Variants in POU6F2 observed in about 807,000 individuals in gnomAD.
POU6F2 encodes POU class 6 homeobox 2.
A neutral mutation model predicts 71.3 loss-of-function variants in POU6F2; 31 were observed. The ratio of observed to expected loss-of-function variants is 0.43; its 90% CI spans 0.33 to 0.59. The LOEUF (loss-of-function observed/expected upper bound fraction) is 0.59. Ranked by LOEUF, POU6F2 falls within the 20% of genes least tolerant of loss-of-function variation. The probability of loss-of-function intolerance (pLI) is 0.04; values close to 1 mark genes in which losing one functional copy is unlikely to be tolerated. For missense variants in POU6F2, 783 were observed against 856.8 expected (o/e 0.91, Z 1.07); for synonymous variants, 347 against 355.7 (o/e 0.98, Z 0.27).
At position 39,464,355 on chromosome 7, in the gene POU6F2, T is replaced by TGGCTGA. The variant is rs1389275051; in HGVS notation, c.1842_1847dup (p.Glu615_Ala616dup). On this transcript the variant is annotated inframe_insertion, in exon 10 of 10. Coordinates refer to ENST00000518318, the MANE Select transcript of POU6F2 (RefSeq NM_001370959.1). This position sits in a 1 kb window ranked among gnomAD's most constrained non-coding sequence, Gnocchi z 4.1. ...ATCAAGCCGGTGCTTGAGCGGTGGATGGCTGAGGCTGAGGCCCGCCATCGA... is the reference window on the plus strand; with the variant it reads ...ATCAAGCCGGTGCTTGAGCGGTGGATGGCTGAGGCTGAGGCTGAGGCCCGCCATCGA... The TGGCTGA allele has an allele frequency of 1.9e-6, 3 of 1,613,896 alleles. No individual in the cohort carries two copies. Among genetic ancestry groups the TGGCTGA allele is most frequent in the East Asian group, 2.2e-5 (1 of 44,894 alleles).
At chr7:39,035,121 T>A (rs10251577) in intron 1 of POU6F2, among the ~76,000 whole-genome samples, 10,621 of 151,554 alleles carry the variant, frequency 0.07, 484 homozygotes, top group African/African-American at 0.13. Context: ...TTATATTTTT[T>A]AAAGTTTTTT....
chr7:39,004,182 A>G (rs1417762289), intron 1 of POU6F2, among the ~76,000 whole-genome samples: 1 of 152,222 alleles, frequency 6.6e-6, no homozygotes, highest in Non-Finnish European at 1.5e-5. Flanking sequence ...AAGGAAACAA[A>G]TAACAAATAA....
intron 4 of POU6F2, among the ~76,000 whole-genome samples, chr7:39,302,135 T>C (rs1784958684): frequency 6.6e-6 from 1 of 152,262 alleles, no homozygotes; most frequent in South Asian, 2.1e-4. Flanking sequence ...CTTTTGAAAT[T>C]TTTTACATTT....
intron 4 of POU6F2, among the ~76,000 whole-genome samples, chr7:39,216,748 G>T (rs2128747661): frequency 6.6e-6 from 1 of 152,266 alleles, no homozygotes; most frequent in South Asian, 2.1e-4. Flanking sequence ...CATAAAAAAA[G>T]TTTAAATACA....
intron 4 of POU6F2, among the ~76,000 whole-genome samples, chr7:39,275,464 T>A (rs1215565863): frequency 2.0e-5 from 3 of 152,110 alleles, no homozygotes; most frequent in Non-Finnish European, 2.9e-5. Flanking sequence ...ATCGTGAAAA[T>A]GGCCATACTG....
At chr7:39,198,494 A>T (rs892669850) in intron 2 of POU6F2, among the ~76,000 whole-genome samples, 1 of 152,194 alleles carries the variant, frequency 6.6e-6, no homozygotes, top group Admixed American at 6.5e-5. Context: ...CAGATAAGTC[A>T]CTCACTGTAA....
At position 39,450,488 on chromosome 7, in the gene POU6F2, G is replaced by T. The variant is rs144773797; in HGVS notation, c.1321-1045G>T. Among the ~76,000 whole-genome samples, 350 of 152,050 alleles carry T rather than the reference G, an allele frequency of 2.3e-3. 4 individuals are homozygous for T. The highest frequency in any genetic ancestry group is 7.6e-3 in the African/African-American group (316 of 41,466). On this transcript the variant is annotated intron_variant, in intron 7 of 9. Transcript: ENST00000518318. Reference sequence around the variant, plus strand: ...GGAGAAGAAAAAAAAATGATGGAGAGACATCCTTCCTGGGCCTCCAAGTAG... The same window carrying T: ...GGAGAAGAAAAAAAAATGATGGAGATACATCCTTCCTGGGCCTCCAAGTAG...
At chr7:39,043,382 A>G (rs974084796) in intron 1 of POU6F2, among the ~76,000 whole-genome samples, 1 of 152,040 alleles carries the variant, frequency 6.6e-6, no homozygotes, top group Non-Finnish European at 1.5e-5. Flanking sequence ...CTCTGTCTAT[A>G]AATATGTCCT....
At chr7:39,165,995 C>T (rs1234181118) in intron 2 of POU6F2, among the ~76,000 whole-genome samples, 4 of 152,148 alleles carry the variant, frequency 2.6e-5, no homozygotes, top group African/African-American at 9.7e-5. Flanking sequence ...ATTCCTTCTC[C>T]CTACTCTAGG....
intron 1 of POU6F2, among the ~76,000 whole-genome samples, chr7:39,061,151 T>C (rs60067842): frequency 0.11 from 16,398 of 151,270 alleles, 963 homozygotes; most frequent in Middle Eastern, 0.16. Context: ...AGAAGACTGG[T>C]ATTATTTTAC....
intron 8 of POU6F2, among the ~76,000 whole-genome samples, chr7:39,458,648 G>T (rs1373767221): frequency 6.6e-6 from 1 of 152,118 alleles, no homozygotes; most frequent in East Asian, 1.9e-4. Context: ...CCTTCTGGGA[G>T]TAGTTTTGGG....
At chr7:39,062,472 T>A (rs950412788) in intron 1 of POU6F2, among the ~76,000 whole-genome samples, 3 of 151,454 alleles carry the variant, frequency 2.0e-5, no homozygotes, top group Non-Finnish European at 4.4e-5. Flanking sequence ...CAAAAGTGAC[T>A]ACATAGAAAG....
intron 6 of POU6F2, among the ~76,000 whole-genome samples, chr7:39,429,805 T>A (rs1475607530): frequency 6.6e-6 from 1 of 152,202 alleles, no homozygotes; most frequent in Non-Finnish European, 1.5e-5. Context: ...AAGAAGAGAT[T>A]CCCCTACAGC....
chr7:39,439,370 T>C (rs1448671002), intron 7 of POU6F2, among the ~76,000 whole-genome samples: 1 of 152,246 alleles, frequency 6.6e-6, no homozygotes, highest in Non-Finnish European at 1.5e-5. Flanking sequence ...TTAAGGTTAA[T>C]ATTGTTATGT....
intron 1 of POU6F2, among the ~76,000 whole-genome samples, chr7:39,069,683 C>G (rs1417399296): frequency 6.6e-6 from 1 of 152,066 alleles, no homozygotes; most frequent in Non-Finnish European, 1.5e-5. Flanking sequence ...GTATTATATA[C>G]TGGATTATTA....
chr7:39,175,434 G>A (rs540797369), intron 2 of POU6F2, among the ~76,000 whole-genome samples: 1 of 152,182 alleles, frequency 6.6e-6, no homozygotes, highest in East Asian at 1.9e-4. Flanking sequence ...CACAACAATA[G>A]GCATAGACAG....
At chr7:39,258,675 C>CT (rs1208381438) in intron 4 of POU6F2, among the ~76,000 whole-genome samples, 1 of 149,356 alleles carries the variant, frequency 6.7e-6, no homozygotes, top group African/African-American at 2.5e-5. Context: ...TTTCTGTCTG[C>CT]TTTTTGGATT....
At chr7:39,070,594 G>A (rs1790857841) in intron 1 of POU6F2, among the ~76,000 whole-genome samples, 1 of 150,840 alleles carries the variant, frequency 6.6e-6, no homozygotes, top group African/African-American at 2.4e-5. Flanking sequence ...CCACTTCTCA[G>A]CCCCACCAGC....
chr7:39,222,266 G>A (rs754402776), intron 4 of POU6F2, among the ~76,000 whole-genome samples: 3 of 152,132 alleles, frequency 2.0e-5, no homozygotes, highest in Non-Finnish European at 2.9e-5. Flanking sequence ...AAAATTAAAT[G>A]AACTACCAAA....
Sources: allele counts gnomAD v4.1 joint callset (sites outside exome capture counted in the v4.1 genomes callset), GRCh38; gene constraint gnomAD v4.1.1; non-coding constraint Gnocchi (gnomAD v3.1); transcripts MANE v1.5; gene names NCBI Gene and HGNC (gene_info 2026-07-23, HGNC 2026-07-21).